CEP89: variants seen among roughly 807,000 people sequenced by gnomAD.
The protein encoded by CEP89 is centrosomal protein of 89 kDa.
In CEP89, 95 loss-of-function variants were observed where a neutral mutation model predicts 97.6. That is an observed-to-expected ratio of 0.97 (90% CI 0.82 to 1.15). The LOEUF is 1.15. CEP89 is among the 50% of genes most tolerant of loss of function. The pLI, the probability that CEP89 is intolerant of heterozygous loss-of-function variation, is 0.00. For missense variants in CEP89, 869 were observed against 947.7 expected, an observed-to-expected ratio of 0.92 and a Z score of 1.09; for synonymous variants, 354 against 349.1, an observed-to-expected ratio of 1.01 and a Z score of -0.16.
chr19:32,942,535 C>A (rs986673416), intron 5 of CEP89, among the ~76,000 whole-genome samples: 1 of 152,142 alleles, frequency 6.6e-6, no homozygotes, highest in African/African-American at 2.4e-5. Context: ...CAAAGGAAAT[C>A]ATGCTATTTT....
chr19:32,943,195 C>T (rs1372852794), intron 5 of CEP89, among the ~76,000 whole-genome samples: 1 of 152,206 alleles, frequency 6.6e-6, no homozygotes, highest in African/African-American at 2.4e-5. Context: ...CGGGGTCTCC[C>T]TGTGTTGCCC....
chr19:32,924,384 G>A (rs1420095905), intron 11 of CEP89, among the ~76,000 whole-genome samples: 1 of 152,124 alleles, frequency 6.6e-6, no homozygotes. Flanking sequence ...GCCACAACAC[G>A]AGGTCTGTCG....
At chr19:32,929,914 A>G (rs1411587254) in intron 9 of CEP89, among the ~76,000 whole-genome samples, 1 of 152,210 alleles carries the variant, frequency 6.6e-6, no homozygotes, top group Non-Finnish European at 1.5e-5. Flanking sequence ...ACAAGTTCAT[A>G]GAGACAGAAA....
Position 32,916,654 on chromosome 19 carries a change from G to A in CEP89, c.1385-1137C>T, listed in dbSNP as rs112586215. Among the ~76,000 whole-genome samples, 215 of 152,242 alleles carry A rather than the reference G, an allele frequency of 1.4e-3. 4 individuals are homozygous for A. The highest frequency in any genetic ancestry group is 3.4e-3 in the Middle Eastern group (1 of 292). ...ATGTAATAATTCCCAAGCGTCTGCCGACACTAGCACTTAGAGGTATTTATT... is the reference window on the plus strand; with the variant it reads ...ATGTAATAATTCCCAAGCGTCTGCCAACACTAGCACTTAGAGGTATTTATT... On this transcript the variant is annotated intron_variant, in intron 13 of 18. Coordinates refer to ENST00000305768, the MANE Select transcript of CEP89 (RefSeq NM_032816.5).
chr19:32,910,121 C>T (rs1969967004), intron 14 of CEP89, among the ~76,000 whole-genome samples: 2 of 152,228 alleles, frequency 1.3e-5, no homozygotes, highest in South Asian at 2.1e-4. Context: ...ATTAGCCAAG[C>T]GTGGTGGCAC....
rs755632753 is a variant in CEP89 at position 32,931,564 on chromosome 19, T to C, written c.894A>G (p.Ala298=). Residue 298 remains alanine (A), a synonymous_variant, in exon 9 of 19, where the codon GCA becomes GCG. Coordinates refer to ENST00000305768, the MANE Select transcript of CEP89 (RefSeq NM_032816.5). ...AEKASSQEVA[A]PELLYLRKQA... Reference sequence around the variant, plus strand: ...GTTTTCGCAGATAAAGTAATTCAGGTGCAGCAACTAGGGAAAAAAATTTAA... The same window carrying C: ...GTTTTCGCAGATAAAGTAATTCAGGCGCAGCAACTAGGGAAAAAAATTTAA... 1.6e-5 allele frequency: 26 copies of C among 1,579,696 alleles called. No homozygotes were observed. The highest frequency in any genetic ancestry group is 2.1e-5 in the Non-Finnish European group (25 of 1,172,080).
At chr19:32,954,513 C>T (rs1291492194) in intron 3 of CEP89, among the ~76,000 whole-genome samples, 1 of 151,506 alleles carries the variant, frequency 6.6e-6, no homozygotes. Context: ...TAACCAAGCC[C>T]AGCTAGTTTT....
intron 9 of CEP89, 138 bp downstream of exon 9, chr19:32,931,290 TC>T (rs1970467421): frequency 2.8e-6 from 2 of 712,346 alleles, no homozygotes; most frequent in African/African-American, 3.7e-5. Context: ...AACAGAATGG[TC>T]CTTAGAAACA....
chr19:32,945,578 G>C (rs1970780656), intron 5 of CEP89, among the ~76,000 whole-genome samples: 1 of 152,238 alleles, frequency 6.6e-6, no homozygotes, highest in South Asian at 2.1e-4. Context: ...TTCCTCTGTA[G>C]AGGGTGCTGG....
chr19:32,925,711 C>T (rs1970343211), intron 11 of CEP89, among the ~76,000 whole-genome samples: 1 of 152,092 alleles, frequency 6.6e-6, no homozygotes, highest in Admixed American at 6.6e-5. Flanking sequence ...TGGTCTTGAA[C>T]TCCTGACCTC....
intron 18 of CEP89, among the ~76,000 whole-genome samples, chr19:32,881,095 C>T (rs947359483): frequency 6.6e-6 from 1 of 152,192 alleles, no homozygotes; most frequent in Non-Finnish European, 1.5e-5. Flanking sequence ...TGAGTCTACA[C>T]TGTTCCCCAT....
chr19:32,955,068 T>C (rs1324416499), intron 3 of CEP89, among the ~76,000 whole-genome samples: 1 of 152,050 alleles, frequency 6.6e-6, no homozygotes, highest in Non-Finnish European at 1.5e-5. Flanking sequence ...TACTGCAGCA[T>C]CCACCTCCCC....
chr19:32,894,784 C>T (rs1477888557), intron 16 of CEP89, among the ~76,000 whole-genome samples: 7 of 152,172 alleles, frequency 4.6e-5, no homozygotes, highest in African/African-American at 1.7e-4. Context: ...ATATTAGGGT[C>T]TGTCTCTTAC....
intron 5 of CEP89, among the ~76,000 whole-genome samples, chr19:32,944,060 T>G (rs1228690457): frequency 6.6e-6 from 1 of 151,344 alleles, no homozygotes; most frequent in Non-Finnish European, 1.5e-5. Context: ...AAACCCTGTG[T>G]CTAACAAAAT....
At chr19:32,955,760 C>T (rs556403852) in intron 3 of CEP89, among the ~76,000 whole-genome samples, 7 of 152,222 alleles carry the variant, frequency 4.6e-5, no homozygotes, top group Admixed American at 4.6e-4. Flanking sequence ...GTGATACGCC[C>T]GCCTCAGCCT....
chr19:32,960,125 A>G (rs1599780812), intron 2 of CEP89, 67 bp from the exon 3 acceptor site: 1 of 1,549,828 alleles, frequency 6.5e-7, no homozygotes, highest in Non-Finnish European at 8.8e-7. Flanking sequence ...TGAACAAGGT[A>G]CATAAACTCA....
At chr19:32,957,472 GCCT>G (rs1338682796) in intron 3 of CEP89, among the ~76,000 whole-genome samples, 24 of 152,136 alleles carry the variant, frequency 1.6e-4, no homozygotes, top group Non-Finnish European at 3.1e-4. Flanking sequence ...TTCAAGTCCA[GCCT>G]GGGTAATATC....
At chr19:32,895,473 T>G (rs886153807) in intron 16 of CEP89, among the ~76,000 whole-genome samples, 8 of 152,024 alleles carry the variant, frequency 5.3e-5, no homozygotes, top group Non-Finnish European at 1.0e-4. Flanking sequence ...ATACCTAACA[T>G]AATAAAGGCC....
chr19:32,966,766 C>T (rs997228076), intron 1 of CEP89, among the ~76,000 whole-genome samples: 6 of 152,116 alleles, frequency 3.9e-5, no homozygotes, highest in African/African-American at 9.7e-5. Flanking sequence ...CCACAGCACT[C>T]CCCCCAGTGA....
Sources: allele counts gnomAD v4.1 joint callset (sites outside exome capture counted in the v4.1 genomes callset), GRCh38; gene constraint gnomAD v4.1.1; transcripts MANE v1.5; gene names NCBI Gene and HGNC (gene_info 2026-07-23, HGNC 2026-07-21).